The following RGS7BP variants were observed in gnomAD, a reference collection of about 807,000 sequenced individuals.
The protein encoded by RGS7BP is regulator of G protein signaling 7-binding protein.
A neutral mutation model predicts 31.3 loss-of-function variants in RGS7BP; 9 were observed. The ratio of observed to expected loss-of-function variants is 0.29; its 90% CI spans 0.17 to 0.50. The LOEUF (loss-of-function observed/expected upper bound fraction) is 0.50, where lower values mean the gene tolerates loss of function less well. Among genes scored for constraint, RGS7BP ranks in the 20% least tolerant of loss-of-function variants. The pLI is 0.98. For missense variants in RGS7BP, 274 were observed against 322.0 expected (o/e 0.85, Z 1.14); for synonymous variants, 115 against 120.1 (o/e 0.96, Z 0.28).
intron 2 of RGS7BP, among the ~76,000 whole-genome samples, chr5:64,538,546 CT>C (rs1191560944): frequency 5.5e-3 from 221 of 40,020 alleles, no homozygotes; most frequent in African/African-American, 7.8e-3. Flanking sequence ...TTTTCCTTTT[CT>C]TTTTTTTTTT....
intron 2 of RGS7BP, among the ~76,000 whole-genome samples, chr5:64,519,990 C>T (rs1248450027): frequency 2.0e-5 from 3 of 152,154 alleles, no homozygotes; most frequent in Admixed American, 6.5e-5. Flanking sequence ...TCCAAGATGT[C>T]GGTCCTGTCC....
intron 3 of RGS7BP, among the ~76,000 whole-genome samples, chr5:64,581,510 T>C (rs1742596763): frequency 6.6e-6 from 1 of 152,218 alleles, no homozygotes; most frequent in Non-Finnish European, 1.5e-5. Flanking sequence ...GTACCTCACT[T>C]AGTTGTACTC....
rs1743443545 is a variant in RGS7BP, at chr5:64,609,262, C to T, written c.*10C>T. ...TCTCATCTCAAGCTAGGTGGCTCCT[C>T]CTGGAAACCCACTGAGAACATCTGA... On this transcript the variant is annotated 3_prime_UTR_variant, in exon 6 of 6. Transcript: ENST00000334025. 6.7e-7 allele frequency: 1 copy of T among 1,494,078 alleles called. No homozygotes were observed. Among genetic ancestry groups the T allele is most frequent in the African/African-American group, 1.4e-5 (1 of 72,468 alleles). 92.6% of individuals were successfully genotyped at this position (1,494,078 alleles called of 1,614,324 possible).
chr5:64,573,913 A>T (rs566582546), intron 2 of RGS7BP, among the ~76,000 whole-genome samples: 46 of 152,202 alleles, frequency 3.0e-4, no homozygotes, highest in Non-Finnish European at 5.1e-4. Context: ...CATAATATGT[A>T]CAATTATTAT....
chr5:64,583,412 A>G (rs1742655879), intron 3 of RGS7BP, among the ~76,000 whole-genome samples: 2 of 152,160 alleles, frequency 1.3e-5, no homozygotes, highest in South Asian at 4.2e-4. Context: ...AAGACTGAAC[A>G]GGTTTCTGTT....
At chr5:64,547,567 C>T (rs1200507241) in intron 2 of RGS7BP, among the ~76,000 whole-genome samples, 1 of 152,108 alleles carries the variant, frequency 6.6e-6, no homozygotes, top group Non-Finnish European at 1.5e-5. Context: ...TAAAAACATG[C>T]AAACATAATT....
chr5:64,528,206 C>T (rs539576586), intron 2 of RGS7BP, among the ~76,000 whole-genome samples: 2 of 152,054 alleles, frequency 1.3e-5, no homozygotes, highest in African/African-American at 4.8e-5. Flanking sequence ...TGGGTCCTGG[C>T]GGGGCTGCCC....
At chr5:64,608,994 G>A (rs1255629584) in intron 5 of RGS7BP, among the ~76,000 whole-genome samples, 167 bp from the exon 6 acceptor site, 1 of 151,990 alleles carries the variant, frequency 6.6e-6, no homozygotes, top group African/African-American at 2.4e-5. Context: ...ACATTCCACA[G>A]TGCTCAGGAC....
intron 2 of RGS7BP, among the ~76,000 whole-genome samples, chr5:64,525,792 A>C (rs2111910303): frequency 6.6e-6 from 1 of 152,326 alleles, no homozygotes; most frequent in Admixed American, 6.5e-5. Context: ...TTTCTGAGTA[A>C]GCAGAGCTAG....
In RGS7BP at chr5:64,610,351, C is replaced by A. The variant is rs1409209009; in HGVS notation, c.*1099C>A. On this transcript the variant is annotated 3_prime_UTR_variant, in exon 6 of 6. Transcript: ENST00000334025. ...ACATGCTTTGTTTTTCTGCTCACAG[C>A]TTTGTTGTGATCTTCCTTCACTAAA... 1 of 152,288 alleles carries A rather than the reference C, an allele frequency of 6.6e-6. No individual in the cohort carries two copies. Among genetic ancestry groups the A allele is most frequent in the Non-Finnish European group, 1.5e-5 (1 of 67,930 alleles). 9.4% of individuals were successfully genotyped at this position (152,288 alleles called of 1,614,324 possible). A position where few individuals can be genotyped will look rare whatever the true frequency, so the allele number is the denominator to read the frequency against.
chr5:64,538,530 TTTTTTTTTTCCTTTTC>T, intron 2 of RGS7BP, among the ~76,000 whole-genome samples: 1 of 139,130 alleles, frequency 7.2e-6, no homozygotes. Flanking sequence ...TTTCTTTTCT[TTTTTTTTTTCCTTTTC>T]TTTTTTTTTT....
chr5:64,579,898 T>C (rs542142197), intron 3 of RGS7BP, among the ~76,000 whole-genome samples: 106 of 152,356 alleles, frequency 7.0e-4, no homozygotes, highest in African/African-American at 2.5e-3. Context: ...GGCTTGTTTG[T>C]ATTGTGTGCT....
At chr5:64,563,871 T>C (rs1001900819) in intron 2 of RGS7BP, among the ~76,000 whole-genome samples, 3 of 152,298 alleles carry the variant, frequency 2.0e-5, no homozygotes, top group East Asian at 1.9e-4. Context: ...TTAACTTGGA[T>C]TTTAGGGCTT....
At chr5:64,514,234 C>T (rs1309682078) in intron 2 of RGS7BP, among the ~76,000 whole-genome samples, 1 of 152,074 alleles carries the variant, frequency 6.6e-6, no homozygotes, top group Non-Finnish European at 1.5e-5. Flanking sequence ...TGAACTCATC[C>T]TAGCTTAATT....
At chr5:64,542,373 T>A (rs1741548876) in intron 2 of RGS7BP, among the ~76,000 whole-genome samples, 1 of 152,198 alleles carries the variant, frequency 6.6e-6, no homozygotes, top group Non-Finnish European at 1.5e-5. Flanking sequence ...TTTTAAAAAA[T>A]GCCATTTTGG....
At chr5:64,541,156 C>T (rs966709525) in intron 2 of RGS7BP, among the ~76,000 whole-genome samples, 11 of 152,128 alleles carry the variant, frequency 7.2e-5, no homozygotes, top group African/African-American at 2.7e-4. Context: ...AGCTTACAAT[C>T]ATGGCAGAAG....
At chr5:64,560,191 A>T (rs188233973) in intron 2 of RGS7BP, among the ~76,000 whole-genome samples, 6 of 152,290 alleles carry the variant, frequency 3.9e-5, no homozygotes, top group African/African-American at 1.4e-4. Flanking sequence ...ATTTAAAAAC[A>T]ATTTTGTTTT....
chr5:64,544,238 A>G (rs570537936), intron 2 of RGS7BP, among the ~76,000 whole-genome samples: 1 of 152,356 alleles, frequency 6.6e-6, no homozygotes, highest in South Asian at 2.1e-4. Flanking sequence ...CAAAAGAAGC[A>G]AACAGGTGGT....
intron 2 of RGS7BP, among the ~76,000 whole-genome samples, chr5:64,547,088 A>G (rs1056038941): frequency 6.6e-6 from 1 of 152,148 alleles, no homozygotes; most frequent in Non-Finnish European, 1.5e-5. Flanking sequence ...TTTCTTCTTT[A>G]TTACTGTATT....
Sources: gnomAD v4.1 joint callset for allele counts (sites outside exome capture counted in the v4.1 genomes callset) on GRCh38, gnomAD v4.1.1 for gene constraint, MANE v1.5 for transcripts, NCBI Gene and HGNC (gene_info 2026-07-23, HGNC 2026-07-21) for gene names.